The following USP24 variants were observed in gnomAD, a reference collection of about 807,000 sequenced individuals.
USP24 encodes the protein ubiquitin specific peptidase 24.
Under a neutral mutation model 361.6 loss-of-function variants are expected in USP24, and 97 were observed. The ratio of observed to expected loss-of-function variants is 0.27; its 90% CI spans 0.23 to 0.32. The LOEUF (loss-of-function observed/expected upper bound fraction) is 0.32. Ranked by LOEUF, USP24 falls within the 10% of genes least tolerant of loss-of-function variation. The probability of loss-of-function intolerance (pLI) is 1.00; values close to 1 mark genes in which losing one functional copy is unlikely to be tolerated. For synonymous variants in USP24, 1,098 were observed against 1,124.6 expected (o/e 0.98, Z 0.47); for missense variants, 2,353 against 3,165.6 (o/e 0.74, Z 6.16).
intron 3 of USP24, among the ~76,000 whole-genome samples, chr1:55,174,428 A>G (rs1279390273): frequency 6.6e-6 from 1 of 152,234 alleles, no homozygotes; most frequent in African/African-American, 2.4e-5. Flanking sequence ...ATAGCTCTAA[A>G]GTGCAAAAGA....
chr1:55,100,106 T>C (rs1273253904), intron 44 of USP24, among the ~76,000 whole-genome samples: 1 of 152,202 alleles, frequency 6.6e-6, no homozygotes, highest in East Asian at 1.9e-4. Flanking sequence ...ATCTAGGCCA[T>C]GGAACAGAGA....
At chr1:55,205,549 G>A (rs1644683601) in intron 1 of USP24, among the ~76,000 whole-genome samples, 2 of 152,186 alleles carry the variant, frequency 1.3e-5, no homozygotes, top group African/African-American at 4.8e-5. Context: ...TGATGTGCTA[G>A]GAAGCAGTAT....
Position 55,214,871 on chromosome 1 carries a change from G to T in USP24, c.243C>A (p.Gly81=). 8.2e-7 allele frequency: 1 copy of T among 1,219,126 alleles called. No homozygotes were observed. Among genetic ancestry groups the T allele is most frequent in the Non-Finnish European group, 1.0e-6 (1 of 973,996 alleles). 75.5% of individuals were successfully genotyped at this position (1,219,126 alleles called of 1,614,324 possible). A position where few individuals can be genotyped will look rare whatever the true frequency, so the allele number is the denominator to read the frequency against. ...CGGTGCTCCCGCCGCGGGAGGGGCC[G>T]CCGCCGCCGCCGTCACCTCCGCCGT... ...RGDGGGDGGG[G]GPSRGGSTGG... is the part of the protein sequence containing the mutation. The change falls in exon 1 of 68, where the codon GGC becomes GGA. Residue 81 remains glycine (G), a synonymous_variant. Coordinates refer to ENST00000294383, the MANE Select transcript of USP24 (RefSeq NM_015306.3).
intron 1 of USP24, among the ~76,000 whole-genome samples, chr1:55,195,184 C>T (rs181498173): frequency 8.5e-5 from 13 of 152,348 alleles, no homozygotes; most frequent in Middle Eastern, 6.8e-3. Context: ...TCTCCATCCT[C>T]TGATCACAAT....
intron 62 of USP24, among the ~76,000 whole-genome samples, chr1:55,076,396 C>G (rs1042214899): frequency 2.0e-5 from 3 of 152,208 alleles, no homozygotes; most frequent in African/African-American, 7.2e-5. Context: ...AAGCTTTTAA[C>G]AAATGGCATC....
At chr1:55,171,492 A>G in intron 5 of USP24, 64 bp downstream of exon 5, 2 of 1,518,560 alleles carry the variant, frequency 1.3e-6, no homozygotes, top group Non-Finnish European at 1.8e-6. Context: ...TCTTTTTTAT[A>G]GCACAGAAAA....
rs754165302 is a variant in USP24, at chr1:55,072,319, G to C, written c.7687C>G (p.Gln2563Glu). 6.2e-7 allele frequency: 1 copy of C among 1,613,268 alleles called. No homozygotes were observed. The highest frequency in any genetic ancestry group is 1.1e-5 in the South Asian group (1 of 90,864). Residue 2563 changes from glutamine (Q) to glutamate (E), a missense_variant and splice_region_variant, in exon 66 of 68, where the codon CAG becomes GAG. Gln to Glu is a conservative substitution (Grantham distance 29). Around this residue, in one of 8 missense-constraint regions of USP24, gnomAD observed 8 missense variants for 32.9 expected, o/e 0.24. Transcript: ENST00000294383. ...CAAAAACAAGAGACAACTCTCACCT[G>C]AGCTGAAATGGTTCGCTGAAAGGTT... ...GKTFQRTISA[Q>E]DTLAYATALL...
At chr1:55,166,675 T>G in intron 5 of USP24, 72 bp from the exon 6 acceptor site, 3 of 1,351,836 alleles carry the variant, frequency 2.2e-6, no homozygotes, top group Non-Finnish European at 3.0e-6. Context: ...ATTTCTTTTA[T>G]CCTAAATGAA....
At position 55,141,668 on chromosome 1, in the gene USP24, G is replaced by A. The variant is rs764288249; in HGVS notation, c.2698C>T (p.Leu900Phe). The A allele has an allele frequency of 2.5e-6, 4 of 1,612,362 alleles. No individual in the cohort carries two copies. In the South Asian group the frequency reaches 4.4e-5, roughly 18 times the overall value. ...THAVTRATKM[L>F]TATAMPTVAT... is the part of the protein sequence containing the mutation. ...ACAGTTGGCATGGCAGTTGCTGTAA[G>A]CATTTTTGTTGCTCTGGTCACAGCA... Residue 900 changes from leucine to phenylalanine, a missense_variant, in exon 24 of 68, where the codon CTT (leucine) becomes TTT (phenylalanine). By Grantham distance (22) the Leu-to-Phe change is conservative (BLOSUM62 0). Around this residue, in one of 8 missense-constraint regions of USP24, gnomAD observed 949 missense variants for 1,280.5 expected, o/e 0.74. Transcript: ENST00000294383.
intron 15 of USP24, 65 bp from the exon 16 acceptor site, chr1:55,153,982 C>A (rs1339774667): frequency 1.0e-5 from 16 of 1,545,674 alleles, no homozygotes; most frequent in Non-Finnish European, 1.3e-5. Flanking sequence ...ATTTCCCGAT[C>A]TTGGACTTTA....
Position 55,069,080 on chromosome 1 carries a change from C to T in USP24, c.7828G>A (p.Glu2610Lys), listed in dbSNP as rs752787485. Residue 2610 changes from glutamate to lysine, a missense_variant, in exon 68 of 68, where the codon GAG becomes AAG. Around this residue, in one of 8 missense-constraint regions of USP24, gnomAD observed 53 missense variants for 57.7 expected, o/e 0.92. Transcript: ENST00000294383. ...QGSESPMMIGELRSDLDDVDP is the reference protein window; with the variant it reads ...QGSESPMMIGKLRSDLDDVDP ...ACATCATCAAGGTCACTTCTCAACT[C>T]ACCAATCATCATGGGAGATTCTGAA... 3.1e-6 allele frequency: 5 copies of T among 1,613,982 alleles called. No individual in the cohort carries two copies. In the Admixed American group the frequency reaches 8.3e-5, roughly 27 times the overall value.
chr1:55,097,048 T>A lies in USP24; in HGVS notation c.5840A>T (p.Lys1947Met). 1 of 1,613,908 alleles carries A rather than the reference T, an allele frequency of 6.2e-7. No individual in the cohort carries two copies. The highest frequency in any genetic ancestry group is 8.5e-7 in the Non-Finnish European group (1 of 1,179,852). Residue 1947 changes from lysine (K) to methionine (M), a missense_variant, in exon 49 of 68, where the codon AAG becomes ATG. Physicochemically the swap from Lys to Met is moderately conservative, Grantham distance 95. Around this residue, in one of 8 missense-constraint regions of USP24, gnomAD observed 598 missense variants for 761.9 expected, o/e 0.78. Coordinates refer to ENST00000294383, the MANE Select transcript of USP24 (RefSeq NM_015306.3). ...DQGGGGSPRK[K>M]VALTENYELV... ...TTCATAGTTTTCTGTGAGGGCAACC[T>A]TTTTTCGTGGGGATCCTCCACCGCC...
intron 50 of USP24, among the ~76,000 whole-genome samples, chr1:55,095,866 G>A (rs1369309544): frequency 6.6e-6 from 1 of 152,120 alleles, no homozygotes; most frequent in Non-Finnish European, 1.5e-5. Flanking sequence ...ATAATGGCAT[G>A]GTATCAAAAT....
chr1:55,098,378 G>A (rs972649053), intron 46 of USP24, 98 bp downstream of exon 46: 10 of 1,099,340 alleles, frequency 9.1e-6, no homozygotes, highest in Admixed American at 4.7e-5. Flanking sequence ...CAGGGAGAGA[G>A]TTCTAAGTCT....
intron 38 of USP24, among the ~76,000 whole-genome samples, chr1:55,115,621 G>C (rs952223620): frequency 6.6e-6 from 1 of 151,748 alleles, no homozygotes; most frequent in African/African-American, 2.4e-5. Flanking sequence ...ATTCCTTAAG[G>C]ATCTAGAACC....
intron 16 of USP24, among the ~76,000 whole-genome samples, chr1:55,149,559 T>C (rs540701700): frequency 6.6e-6 from 1 of 152,198 alleles, no homozygotes; most frequent in Admixed American, 6.5e-5. Flanking sequence ...CCTTGCCTCA[T>C]AGGGATCAGC....
At chr1:55,203,418 G>A (rs1330332209) in intron 1 of USP24, among the ~76,000 whole-genome samples, 2 of 152,156 alleles carry the variant, frequency 1.3e-5, no homozygotes, top group Non-Finnish European at 2.9e-5. Flanking sequence ...ACCACCACCA[G>A]ATCTCCATGG....
In USP24 at chr1:55,132,610, A is replaced by G. The variant is rs1310337664; in HGVS notation, c.3472T>C (p.Leu1158=). 9 of 1,613,762 alleles carry G rather than the reference A, an allele frequency of 5.6e-6. No homozygotes were observed. The South Asian group carries it at 7.7e-5, about 14-fold the overall frequency. The stretch of plus-strand genomic sequence containing the variant: ...GCAAAAGATCGAAACAGACTTTCTA[A>G]AATTGAACTGGCACTTGGCTGGTGC... ...QQHQPSASSI[L]ESLFRSFAPG... is the part of the protein sequence containing the mutation. Residue 1158 remains leucine (L), a synonymous_variant, in exon 31 of 68, where the codon TTA becomes CTA. Coordinates refer to ENST00000294383, the MANE Select transcript of USP24 (RefSeq NM_015306.3).
At chr1:55,202,447 C>T (rs371350589) in intron 1 of USP24, among the ~76,000 whole-genome samples, 1 of 151,912 alleles carries the variant, frequency 6.6e-6, no homozygotes, top group Non-Finnish European at 1.5e-5. Flanking sequence ...CTCTGTCACC[C>T]AAGTTGCAGT....
Sources: gnomAD v4.1 joint callset for allele counts (sites outside exome capture counted in the v4.1 genomes callset) on GRCh38, gnomAD v4.1.1 for gene constraint, gnomAD v4.1.1 regional missense constraint, MANE v1.5 for transcripts, NCBI Gene and HGNC (gene_info 2026-07-23, HGNC 2026-07-21) for gene names.